The following CHRNB3 variants were observed in gnomAD, a reference collection of about 807,000 sequenced individuals.
CHRNB3 encodes the protein cholinergic receptor nicotinic beta 3 subunit.
CHRNB3 carries 37 observed loss-of-function variants against 40.6 expected under a neutral mutation model. The observed-to-expected ratio is 0.91, with a 90% confidence interval of 0.70 to 1.20. CHRNB3 has a LOEUF of 1.20. Ranked by LOEUF, CHRNB3 falls within the 50% of genes most tolerant of loss-of-function variation. The pLI is 0.00. For synonymous variants in CHRNB3, 207 were observed against 207.1 expected, an observed-to-expected ratio of 1.00 and a Z score of 0.00; for missense variants, 505 against 551.2, an observed-to-expected ratio of 0.92 and a Z score of 0.84.
intron 1 of CHRNB3, among the ~76,000 whole-genome samples, chr8:42,704,090 AT>A (rs1815876145): frequency 6.6e-6 from 1 of 152,154 alleles, no homozygotes; most frequent in African/African-American, 2.4e-5. Flanking sequence ...ACAGACATTT[AT>A]TTTCTCACAG....
intron 3 of CHRNB3, among the ~76,000 whole-genome samples, chr8:42,716,562 C>T (rs1231393376): frequency 2.0e-5 from 3 of 152,022 alleles, no homozygotes; most frequent in African/African-American, 4.8e-5. Context: ...CATATTTATA[C>T]CCACCTTTAA....
intron 3 of CHRNB3, 73 bp from the exon 4 acceptor site, chr8:42,730,521 A>G: frequency 4.2e-6 from 4 of 948,996 alleles, no homozygotes; most frequent in Admixed American, 2.5e-5. Context: ...TAAAGCTAAC[A>G]GAAACTTGAA....
In CHRNB3 at chr8:42,736,999, A is replaced by G. The variant is rs7008334; in HGVS notation, c.*381A>G. On this transcript the variant is annotated 3_prime_UTR_variant, in exon 6 of 6. Transcript: ENST00000289957. Reference sequence around the variant, plus strand: ...GGGGGGATTCACCTGGAATTAAGGAAGTCTCGGTGTCGAGCTATCTGTGTG... The same window carrying G: ...GGGGGGATTCACCTGGAATTAAGGAGGTCTCGGTGTCGAGCTATCTGTGTG... The G allele has an allele frequency of 0.035, 6,922 of 197,740 alleles. 538 individuals are homozygous for G. The highest frequency in any genetic ancestry group is 0.15 in the African/African-American group (6,561 of 42,596). The allele number at this position is 197,740 out of a possible 1,614,324, so 12.2% of individuals were successfully genotyped here.
At chr8:42,708,263 G>A (rs1586394505) in intron 1 of CHRNB3, among the ~76,000 whole-genome samples, 1 of 152,108 alleles carries the variant, frequency 6.6e-6, no homozygotes, top group African/African-American at 2.4e-5. Flanking sequence ...TCAGGAGATC[G>A]AGACCATCCT....
At chr8:42,718,962 CAT>C (rs1816172959) in intron 3 of CHRNB3, among the ~76,000 whole-genome samples, 1 of 152,122 alleles carries the variant, frequency 6.6e-6, no homozygotes, top group Non-Finnish European at 1.5e-5. Flanking sequence ...TTGGCTCTGA[CAT>C]ATCCTGTGCG....
At chr8:42,711,563 T>G (rs1213666945) in intron 3 of CHRNB3, among the ~76,000 whole-genome samples, 1 of 151,870 alleles carries the variant, frequency 6.6e-6, no homozygotes, top group Non-Finnish European at 1.5e-5. Flanking sequence ...CCCAGCTGAT[T>G]TTTGTACTTT....
chr8:42,703,422 TAAAA>T (rs1202825994), intron 1 of CHRNB3, among the ~76,000 whole-genome samples: 6 of 26,472 alleles, frequency 2.3e-4, no homozygotes, highest in African/African-American at 3.6e-4. Context: ...AGACTTCGTC[TAAAA>T]AAAAAAAAAA....
intron 1 of CHRNB3, among the ~76,000 whole-genome samples, chr8:42,703,734 T>C (rs985923974): frequency 1.3e-5 from 2 of 152,112 alleles, no homozygotes; most frequent in Non-Finnish European, 2.9e-5. Flanking sequence ...AGCCCCGTTA[T>C]GGCCTTTTGT....
intron 5 of CHRNB3, among the ~76,000 whole-genome samples, chr8:42,732,801 G>A (rs1816453405): frequency 6.6e-6 from 1 of 152,136 alleles, no homozygotes; most frequent in Admixed American, 6.6e-5. Flanking sequence ...TGTTGATTAA[G>A]CATTGTTTCT....
At chr8:42,703,440 T>TTATATATATATATATATATATATATA (rs56211568) in intron 1 of CHRNB3, among the ~76,000 whole-genome samples, 1 of 80,716 alleles carries the variant, frequency 1.2e-5, no homozygotes, top group Non-Finnish European at 2.9e-5. Context: ...AAAAAAATAT[T>TTATATATATATATATATATATATATA]TATATATATA....
chr8:42,709,941 C>A (rs1014371933), intron 2 of CHRNB3, among the ~76,000 whole-genome samples: 1 of 152,100 alleles, frequency 6.6e-6, no homozygotes, highest in South Asian at 2.1e-4. Context: ...CTACTTTGTA[C>A]CTTTAAAGTG....
chr8:42,700,550 C>T (rs1356751982), intron 1 of CHRNB3, among the ~76,000 whole-genome samples: 1 of 151,042 alleles, frequency 6.6e-6, no homozygotes, highest in Non-Finnish European at 1.5e-5. Context: ...AAACTCCTGA[C>T]CTTAGGAGAT....
chr8:42,725,448 A>G (rs764050344), intron 3 of CHRNB3: 39 of 611,712 alleles, frequency 6.4e-5, no homozygotes, highest in Non-Finnish European at 1.1e-4. Context: ...GCAGGAAATA[A>G]TCTTCTCTGA....
chr8:42,703,198 C>T (rs991672237), intron 1 of CHRNB3, among the ~76,000 whole-genome samples: 1 of 151,782 alleles, frequency 6.6e-6, no homozygotes, highest in African/African-American at 2.4e-5. Flanking sequence ...CCAAGGCGGG[C>T]AGATCACTTG....
rs1415309985 is a variant in CHRNB3, at chr8:42,731,801, A to G, written c.494A>G (p.Gln165Arg). Reference sequence around the variant, plus strand: ...GTCACGTTTTTCCCGTTCGACCGACAGAACTGCTCCATGAAGTTTGGATCC... The same window carrying G: ...GTCACGTTTTTCCCGTTCGACCGACGGAACTGCTCCATGAAGTTTGGATCC... Reference protein sequence around the residue: ...MDVTFFPFDRQNCSMKFGSWT... With the variant: ...MDVTFFPFDRRNCSMKFGSWT... Residue 165 changes from glutamine to arginine, a missense_variant, in exon 5 of 6, where the codon CAG becomes CGG. Transcript: ENST00000289957. 7.4e-6 allele frequency: 12 copies of G among 1,614,000 alleles called. No homozygotes were observed. The highest frequency in any genetic ancestry group is 1.0e-5 in the Non-Finnish European group (12 of 1,180,040).
At chr8:42,701,614 A>T (rs1484546116) in intron 1 of CHRNB3, among the ~76,000 whole-genome samples, 1 of 152,178 alleles carries the variant, frequency 6.6e-6, no homozygotes, top group African/African-American at 2.4e-5. Flanking sequence ...TCTTTGTCTT[A>T]AAGTGTTACT....
chr8:42,703,293 G>A (rs1815850744), intron 1 of CHRNB3, among the ~76,000 whole-genome samples: 1 of 150,766 alleles, frequency 6.6e-6, no homozygotes, highest in South Asian at 2.1e-4. Context: ...GCATGTTGGT[G>A]CACGCCTGTA....
In CHRNB3 at chr8:42,730,839, G is replaced by A. The variant is rs1816400648; in HGVS notation, c.359+136G>A. The A allele has an allele frequency of 7.1e-6, 3 of 423,102 alleles. No individual in the cohort carries two copies. In the South Asian group the frequency reaches 1.2e-4, roughly 17 times the overall value. The allele number at this position is 423,102 out of a possible 1,614,324, so 26.2% of individuals were successfully genotyped here. A position where few individuals can be genotyped will look rare whatever the true frequency, so the allele number is the denominator to read the frequency against. ...CGAGGCGGGTGGATCATGAGGTCAG[G>A]AGATCGAGACCATCCTGGCTAACAA... is the stretch of plus-strand genomic sequence containing the variant. On this transcript the variant is annotated intron_variant, in intron 4 of 5. Coordinates refer to ENST00000289957, the MANE Select transcript of CHRNB3 (RefSeq NM_000749.5).
chr8:42,713,445 C>T (rs1816051852), intron 3 of CHRNB3, among the ~76,000 whole-genome samples: 1 of 151,966 alleles, frequency 6.6e-6, no homozygotes, highest in Admixed American at 6.6e-5. Flanking sequence ...AGGAGAAATC[C>T]ACAGGCATGG....
Sources: gnomAD v4.1 joint callset for allele counts (sites outside exome capture counted in the v4.1 genomes callset) on GRCh38, gnomAD v4.1.1 for gene constraint, MANE v1.5 for transcripts, NCBI Gene and HGNC (gene_info 2026-07-23, HGNC 2026-07-21) for gene names.